Variants in FAM186A observed in about 807,000 individuals in gnomAD.
FAM186A encodes family with sequence similarity 186 member A, also known as protein FAM186A.
FAM186A carries 163 observed loss-of-function variants against 216.8 expected under a neutral mutation model. The ratio of observed to expected loss-of-function variants is 0.75; its 90% CI spans 0.66 to 0.86. The LOEUF (loss-of-function observed/expected upper bound fraction) is 0.86. Ranked by LOEUF, FAM186A falls within the 40% of genes least tolerant of loss-of-function variation. FAM186A has a pLI of 0.00. For synonymous variants in FAM186A, 805 were observed against 1,025.3 expected, an observed-to-expected ratio of 0.79 and a Z score of 4.10; for missense variants, 2,184 against 2,746.2, an observed-to-expected ratio of 0.80 and a Z score of 4.58.
At chr12:50,362,329 G>A (rs145194030) in intron 2 of FAM186A, among the ~76,000 whole-genome samples, 279 of 152,222 alleles carry the variant, frequency 1.8e-3, no homozygotes, top group Non-Finnish European at 2.7e-3. Context: ...TATTCTAGAT[G>A]CTGTGGATAC....
chr12:50,361,126 C>G (rs902907823), intron 2 of FAM186A, among the ~76,000 whole-genome samples, 200 bp from the exon 3 acceptor site: 2 of 152,160 alleles, frequency 1.3e-5, no homozygotes, highest in African/African-American at 4.8e-5. Flanking sequence ...AATAGTAAGT[C>G]TTAGACATAA....
At chr12:50,344,056 ATTTTTTT>A (rs58651736) in intron 4 of FAM186A, among the ~76,000 whole-genome samples, 1 of 112,164 alleles carries the variant, frequency 8.9e-6, no homozygotes, top group Non-Finnish European at 2.0e-5. Context: ...CAGCCAGTCT[ATTTTTTT>A]TTTTTTTTCA....
chr12:50,358,671 T>A (rs1219094361), intron 3 of FAM186A, among the ~76,000 whole-genome samples: 1 of 151,998 alleles, frequency 6.6e-6, no homozygotes, highest in East Asian at 1.9e-4. Flanking sequence ...ATGCCTATAA[T>A]CCCAGCACTT....
rs1439727188 is a variant in FAM186A at position 50,354,114 on chromosome 12, C to A, written c.2718G>T (p.Lys906Asn). 1.9e-6 allele frequency: 3 copies of A among 1,551,620 alleles called. No individual in the cohort carries two copies. In the South Asian group the frequency reaches 3.6e-5, roughly 18 times the overall value. ...CTTCCTCCTGTCCTCTTTGCTTTTG[C>A]TTTTCCTCTTGCTCAGCCTGCTTTG... Reference protein sequence around the residue: ...ATPKQAEQEEKQKQRGQEEEE... With the variant: ...ATPKQAEQEENQKQRGQEEEE... Residue 906 changes from lysine to asparagine, a missense_variant, in exon 4 of 8, where the codon AAG (lysine) becomes AAT (asparagine). By Grantham distance (94) the Lys-to-Asn change is moderately conservative. Around this residue, in one of 7 missense-constraint regions of FAM186A, gnomAD observed 1,132 missense variants for 1,263.4 expected, o/e 0.90. Coordinates refer to ENST00000327337, the MANE Select transcript of FAM186A (RefSeq NM_001145475.3).
At chr12:50,388,327 C>T (rs553159804) in intron 1 of FAM186A, among the ~76,000 whole-genome samples, 3 of 152,280 alleles carry the variant, frequency 2.0e-5, no homozygotes, top group South Asian at 4.2e-4. Context: ...CAAGGTTTAT[C>T]CTTTCAGCCA....
intron 4 of FAM186A, among the ~76,000 whole-genome samples, chr12:50,343,918 C>CTTT (rs71083535): frequency 2.2e-5 from 3 of 136,828 alleles, no homozygotes; most frequent in African/African-American, 2.7e-5. Context: ...CACACCCAGC[C>CTTT]TTTTTTTTTT....
At position 50,378,482 on chromosome 12, in the gene FAM186A, A is replaced by T. The variant is rs1318984145; in HGVS notation, c.193-15118T>A. 2.0e-5 allele frequency among the ~76,000 whole-genome samples: 3 copies of T among 151,266 alleles called. No homozygotes were observed. The Admixed American group carries it at 2.0e-4, about 10-fold the overall frequency. ...GGAGCAGAGGAAACAGTGAGCCGAG[A>T]TTTCACCACTGCACTCCAGCCGGGG... On this transcript the variant is annotated intron_variant, in intron 1 of 7. Transcript: ENST00000327337.
At chr12:50,392,941 T>A (rs1445986505) in intron 1 of FAM186A, among the ~76,000 whole-genome samples, 1 of 149,682 alleles carries the variant, frequency 6.7e-6, no homozygotes, top group Non-Finnish European at 1.5e-5. Context: ...TTTTTTTTTT[T>A]TTTGAGGCGG....
At chr12:50,344,212 T>C (rs977718531) in intron 4 of FAM186A, among the ~76,000 whole-genome samples, 1 of 152,170 alleles carries the variant, frequency 6.6e-6, no homozygotes, top group African/African-American at 2.4e-5. Flanking sequence ...AATGATCCCA[T>C]CACGCAGGTT....
In FAM186A at chr12:50,355,255, G is replaced by C. The variant is rs1473158150; in HGVS notation, c.1577C>G (p.Ser526Cys). The C allele has an allele frequency of 1.3e-6, 2 of 1,551,536 alleles. No individual in the cohort carries two copies. Among genetic ancestry groups the C allele is most frequent in the African/African-American group, 1.4e-5 (1 of 73,050 alleles). The change falls in exon 4 of 8, where the codon TCT (serine) becomes TGT (cysteine). Residue 526 changes from serine (S) to cysteine (C), a missense_variant. This residue lies in a region of FAM186A where 1,132 missense variants were observed against 1,263.4 expected (regional missense o/e 0.90). Coordinates refer to ENST00000327337, the MANE Select transcript of FAM186A (RefSeq NM_001145475.3). The stretch of plus-strand genomic sequence containing the variant: ...ACCTTGGCTCTTTGTTTCAGTTAAA[G>C]AGAGATGTTTTCTTTTTGCTTCAGT... ...SPTEAKRKHL[S>C]LTETKSQGGK...
At chr12:50,346,213 G>GA in intron 4 of FAM186A, among the ~76,000 whole-genome samples, 3 of 127,932 alleles carry the variant, frequency 2.3e-5, no homozygotes, top group Non-Finnish European at 3.3e-5. Context: ...GAGAGAGAGA[G>GA]AGAGAAGGAA....
rs140629900 is a variant in FAM186A, at chr12:50,351,696, A to G, written c.5136T>C (p.His1712=). The G allele has an allele frequency of 8.8e-4, 1,368 of 1,551,578 alleles. 11 individuals carry two copies. The African/African-American group carries it at 0.017, about 19-fold the overall frequency. Residue 1712 remains histidine (H), a synonymous_variant, in exon 4 of 8, where the codon CAT becomes CAC. Transcript: ENST00000327337. The part of the protein sequence containing the change: ...PLTLKQVQWS[H]RPFQKSKASL... The stretch of plus-strand genomic sequence containing the variant: ...AAGCCTTCGATTTCTGAAATGGTCT[A>G]TGGGACCACTGGACTTGCTTAAGGG...
intron 1 of FAM186A, among the ~76,000 whole-genome samples, chr12:50,367,753 G>C (rs1368711853): frequency 1.3e-5 from 2 of 151,846 alleles, no homozygotes; most frequent in Non-Finnish European, 2.9e-5. Context: ...AAGTTGCAGG[G>C]TAAAACATAC....
In FAM186A at chr12:50,331,667, T is replaced by C; in HGVS notation, c.6848+3A>G. 6.5e-7 allele frequency: 1 copy of C among 1,538,252 alleles called. No homozygotes were observed. Among genetic ancestry groups the C allele is most frequent in the Non-Finnish European group, 8.7e-7 (1 of 1,144,162 alleles). On this transcript the variant is annotated splice_donor_region_variant and intron_variant, in intron 6 of 7. Transcript: ENST00000327337. Reference sequence around the variant, plus strand: ...GTTTAATATCAGTCTTTCTAGCACATACCTAAATTTCTTGCATATGTCAGA... The same window carrying C: ...GTTTAATATCAGTCTTTCTAGCACACACCTAAATTTCTTGCATATGTCAGA...
At chr12:50,360,981 C>T in intron 2 of FAM186A, 55 bp from the exon 3 acceptor site, 3 of 1,336,766 alleles carry the variant, frequency 2.2e-6, no homozygotes, top group Non-Finnish European at 3.0e-6. Context: ...ATAACTATAG[C>T]TACATAGGCT....
chr12:50,390,449 G>A (rs990389665), intron 1 of FAM186A, among the ~76,000 whole-genome samples: 7 of 152,064 alleles, frequency 4.6e-5, no homozygotes, highest in Admixed American at 4.6e-4. Flanking sequence ...ATTTTCATTC[G>A]ACCGAGGAAT....
intron 1 of FAM186A, among the ~76,000 whole-genome samples, chr12:50,372,114 A>G (rs1048475116): frequency 3.9e-5 from 6 of 152,016 alleles, no homozygotes; most frequent in Non-Finnish European, 5.9e-5. Context: ...GGCTGGCCCA[A>G]TTAATTTTTT....
intron 1 of FAM186A, among the ~76,000 whole-genome samples, chr12:50,385,915 G>A (rs1169116101): frequency 3.3e-5 from 5 of 150,332 alleles, no homozygotes; most frequent in Admixed American, 2.7e-4. Flanking sequence ...AAAAAAAAAA[G>A]AAGTCAAACT....
intron 1 of FAM186A, among the ~76,000 whole-genome samples, chr12:50,371,454 T>C (rs535011784): frequency 5.1e-4 from 77 of 152,280 alleles, no homozygotes; most frequent in Admixed American, 1.6e-3. Context: ...AATAGAATGT[T>C]ATTCAGCCTT....
Sources: allele counts gnomAD v4.1 joint callset (sites outside exome capture counted in the v4.1 genomes callset), GRCh38; gene constraint gnomAD v4.1.1; regional missense constraint gnomAD v4.1.1; transcripts MANE v1.5; gene names NCBI Gene and HGNC (gene_info 2026-07-23, HGNC 2026-07-21).